Variants in UNC80 observed in about 807,000 individuals in gnomAD.
UNC80 encodes protein unc-80 homolog.
UNC80 carries 164 observed loss-of-function variants against 384.6 expected under a neutral mutation model. The observed-to-expected ratio is 0.43, with a 90% CI of 0.38 to 0.49. UNC80 has a LOEUF of 0.49. UNC80 is among the 20% of genes least tolerant of loss of function. The pLI, the probability that UNC80 is intolerant of heterozygous loss-of-function variation, is 0.00. For synonymous variants in UNC80, 1,486 were observed against 1,527.8 expected (o/e 0.97, Z 0.64); for missense variants, 3,330 against 4,143.0 (o/e 0.80, Z 5.39).
intron 7 of UNC80, among the ~76,000 whole-genome samples, chr2:209,812,142 C>T (rs547151437): frequency 4.2e-4 from 64 of 152,084 alleles, no homozygotes; most frequent in Non-Finnish European, 7.2e-4. Context: ...CTCCGCCTCC[C>T]GGGTTCACGC....
Position 209,777,395 on chromosome 2 carries a change from A to C in UNC80, c.436A>C (p.Ser146Arg). The part of the protein sequence containing the change: ...DRGSSWGGSS[S>R]AFIHQVENQG... ...AGGCTCCAGCTGGGGTGGAAGCAGCAGTGCTTTCATCCACCAGGTTGAAAA... is the reference window on the plus strand; with the variant it reads ...AGGCTCCAGCTGGGGTGGAAGCAGCCGTGCTTTCATCCACCAGGTTGAAAA... The change falls in exon 4 of 65, where the codon AGT (serine) becomes CGT (arginine). Residue 146 changes from serine to arginine, a missense_variant. Physicochemically the swap from Ser to Arg is moderately radical, Grantham distance 110 (BLOSUM62 -1). Transcript: ENST00000673920. 1 of 1,614,222 alleles carries C rather than the reference A, an allele frequency of 6.2e-7. No individual in the cohort carries two copies. The highest frequency in any genetic ancestry group is 8.5e-7 in the Non-Finnish European group (1 of 1,180,038).
In UNC80 at chr2:209,969,826, C is replaced by G; in HGVS notation, c.8065C>G (p.Gln2689Glu). The G allele has an allele frequency of 6.4e-7, 1 of 1,551,726 alleles. No individual in the cohort carries two copies. Among genetic ancestry groups the G allele is most frequent in the Non-Finnish European group, 8.7e-7 (1 of 1,146,994 alleles). ...GATTGAAGGGGTTTGTTTGACACTT[C>G]AGAGGCAGCCAATCATATCCTTCCT... Reference protein sequence around the residue: ...NLIEGVCLTLQRQPIISFLPH... With the variant: ...NLIEGVCLTLERQPIISFLPH... The change falls in exon 53 of 65, where the codon CAG becomes GAG. Residue 2689 changes from glutamine (Q) to glutamate (E), a missense_variant. Around this residue, in one of 8 missense-constraint regions of UNC80, gnomAD observed 1,049 missense variants for 1,488.6 expected, o/e 0.70. Coordinates refer to ENST00000673920, the MANE Select transcript of UNC80 (RefSeq NM_001371986.1).
chr2:209,809,643 C>T, intron 7 of UNC80: 5 of 612,408 alleles, frequency 8.2e-6, no homozygotes, highest in Non-Finnish European at 1.5e-5. Flanking sequence ...AACAGCCTCC[C>T]CAAGCTCCAG....
intron 4 of UNC80, among the ~76,000 whole-genome samples, chr2:209,779,615 C>G (rs1450300148): frequency 2.6e-5 from 4 of 152,122 alleles, no homozygotes; most frequent in African/African-American, 9.7e-5. Flanking sequence ...AGCTGTATCT[C>G]TAGTGTCTCA....
intron 7 of UNC80, among the ~76,000 whole-genome samples, chr2:209,803,838 T>C (rs1233142472): frequency 1.3e-5 from 2 of 152,142 alleles, no homozygotes; most frequent in East Asian, 1.9e-4. Context: ...GCTTAAGCAA[T>C]TCTTCTGCCA....
At chr2:209,939,412 T>G in intron 42 of UNC80, 60 bp from the exon 43 acceptor site, 1 of 1,441,730 alleles carries the variant, frequency 6.9e-7, no homozygotes, top group South Asian at 1.6e-5. Flanking sequence ...GTTTTTTCAG[T>G]CTATAAATCT....
chr2:209,831,229 A>G (rs889567624), intron 15 of UNC80, among the ~76,000 whole-genome samples: 3 of 151,976 alleles, frequency 2.0e-5, no homozygotes, highest in African/African-American at 7.3e-5. Flanking sequence ...CGGAAATGCA[A>G]TTGGTTTTAT....
At chr2:209,789,269 T>A (rs1431087920) in intron 5 of UNC80, among the ~76,000 whole-genome samples, 1 of 152,324 alleles carries the variant, frequency 6.6e-6, no homozygotes, top group African/African-American at 2.4e-5. Flanking sequence ...TTAACTATTA[T>A]TGTTATTTTC....
chr2:209,772,085 A>G lies in UNC80; in HGVS notation c.13A>G (p.Lys5Glu). MVKRKSSEGQEQDGG... is the reference protein window; with the variant it reads MVKRESSEGQEQDGG... Reference sequence around the variant, plus strand: ...GGGAGCCACCATTATGGTGAAGAGGAAGAGCTCCGAGGGCCAGGAGCAGGA... The same window carrying G: ...GGGAGCCACCATTATGGTGAAGAGGGAGAGCTCCGAGGGCCAGGAGCAGGA... The change falls in exon 1 of 65, where the codon AAG (lysine) becomes GAG (glutamate). Residue 5 changes from lysine (K) to glutamate (E), a missense_variant. Around this residue, in one of 8 missense-constraint regions of UNC80, gnomAD observed 86 missense variants for 141.5 expected, o/e 0.61. Transcript: ENST00000673920. 1 of 1,549,306 alleles carries G rather than the reference A, an allele frequency of 6.5e-7. No homozygotes were observed. The highest frequency in any genetic ancestry group is 1.2e-5 in the South Asian group (1 of 84,002).
intron 38 of UNC80, among the ~76,000 whole-genome samples, chr2:209,933,506 A>C (rs1214433153): frequency 7.3e-6 from 1 of 137,564 alleles, no homozygotes; most frequent in East Asian, 2.3e-4. Context: ...CAAACTTCTT[A>C]TACAGATGAA....
intron 7 of UNC80, among the ~76,000 whole-genome samples, chr2:209,808,225 G>A (rs996448956): frequency 3.3e-5 from 5 of 152,144 alleles, no homozygotes; most frequent in Admixed American, 2.0e-4. Context: ...GGACAACACC[G>A]TCAGCGTATC....
chr2:209,896,268 G>A (rs1161627628), intron 27 of UNC80, 45 bp from the exon 28 acceptor site: 5 of 1,506,676 alleles, frequency 3.3e-6, no homozygotes, highest in Non-Finnish European at 4.5e-6. Flanking sequence ...ATGCTCTCCA[G>A]GGAGACCGAA....
At position 209,839,436 on chromosome 2, in the gene UNC80, A is replaced by C. The variant is rs2081579131; in HGVS notation, c.3250+6A>C. 6.4e-7 allele frequency: 1 copy of C among 1,551,810 alleles called. No individual in the cohort carries two copies. On this transcript the variant is annotated splice_donor_region_variant and intron_variant, in intron 19 of 64. Transcript: ENST00000673920. The surrounding 1 kb of genome is among the most constrained non-coding windows in gnomAD (Gnocchi z 4.1). ...GAAGCTTAAACTCCCCATAGGTAAA[A>C]GTATGTCTGTATTTGTTTATGGATT...
intron 7 of UNC80, chr2:209,809,215 G>A: frequency 1.5e-6 from 1 of 679,376 alleles, no homozygotes. Context: ...CCAGGTCTCT[G>A]AGGCCAAGGA....
Position 209,913,850 on chromosome 2 carries a change from C to T in UNC80, c.4939C>T (p.Pro1647Ser). ...APLSLLIKAA[P>S]ILTEEMYGDI... Reference sequence around the variant, plus strand: ...CTTATCTCTGTTAATCAAGGCAGCACCAATTCTGACAGAGGAGATGTACGG... The same window carrying T: ...CTTATCTCTGTTAATCAAGGCAGCATCAATTCTGACAGAGGAGATGTACGG... The change falls in exon 31 of 65, where the codon CCA becomes TCA. Residue 1647 changes from proline (P) to serine (S), a missense_variant. By Grantham distance (74) the Pro-to-Ser change is moderately conservative (BLOSUM62 -1). Around this residue, in one of 8 missense-constraint regions of UNC80, gnomAD observed 801 missense variants for 950.8 expected, o/e 0.84. Coordinates refer to ENST00000673920, the MANE Select transcript of UNC80 (RefSeq NM_001371986.1). 1 of 1,551,464 alleles carries T rather than the reference C, an allele frequency of 6.4e-7. No individual in the cohort carries two copies. The highest frequency in any genetic ancestry group is 2.4e-5 in the East Asian group (1 of 40,906).
At chr2:209,902,146 T>C (rs577426869) in intron 28 of UNC80, among the ~76,000 whole-genome samples, 21 of 152,096 alleles carry the variant, frequency 1.4e-4, no homozygotes, top group Non-Finnish European at 2.6e-4. Context: ...TGGAAGACTT[T>C]GAGGAATTCA....
At chr2:209,926,220 A>G (rs982043005) in intron 35 of UNC80, among the ~76,000 whole-genome samples, 1 of 152,204 alleles carries the variant, frequency 6.6e-6, no homozygotes, top group Non-Finnish European at 1.5e-5. Flanking sequence ...GCATCTATGA[A>G]AAATGTCTTA....
intron 2 of UNC80, 67 bp downstream of exon 2, chr2:209,773,209 A>T (rs1023959601): frequency 7.3e-7 from 1 of 1,372,568 alleles, no homozygotes; most frequent in Non-Finnish European, 1.0e-6. Context: ...CCAAAGACAG[A>T]TTTTAAATCA....
intron 23 of UNC80, among the ~76,000 whole-genome samples, chr2:209,874,751 C>A (rs967654474): frequency 1.3e-5 from 2 of 152,184 alleles, no homozygotes; most frequent in African/African-American, 4.8e-5. Flanking sequence ...TAAGTACAGA[C>A]TTCCCTAACC....
Sources: allele counts gnomAD v4.1 joint callset (sites outside exome capture counted in the v4.1 genomes callset), GRCh38; gene constraint gnomAD v4.1.1; regional missense constraint gnomAD v4.1.1; non-coding constraint Gnocchi (gnomAD v3.1); transcripts MANE v1.5; gene names NCBI Gene and HGNC (gene_info 2026-07-23, HGNC 2026-07-21).